Variants in FHIT observed in about 807,000 individuals in gnomAD.
FHIT encodes bis(5'-adenosyl)-triphosphatase.
FHIT carries 19 observed loss-of-function variants against 17.9 expected under a neutral mutation model. The observed-to-expected ratio is 1.06, with a 90% CI of 0.74 to 1.56. The LOEUF (loss-of-function observed/expected upper bound fraction) is 1.56, where lower values mean the gene tolerates loss of function less well. FHIT is among the 40% of genes most tolerant of loss of function. FHIT has a pLI of 0.00. For missense variants in FHIT, 248 were observed against 189.2 expected, an observed-to-expected ratio of 1.31 and a Z score of -1.82; for synonymous variants, 81 against 69.7, an observed-to-expected ratio of 1.16 and a Z score of -0.81.
chr3:60,862,824 C>A (rs1703978613), intron 3 of FHIT, among the ~76,000 whole-genome samples: 1 of 148,384 alleles, frequency 6.7e-6, no homozygotes, highest in South Asian at 2.1e-4. Context: ...TGCACTCCAG[C>A]TTGGGCGACA....
intron 5 of FHIT, among the ~76,000 whole-genome samples, chr3:60,413,412 A>C (rs1283679319): frequency 6.6e-6 from 1 of 152,152 alleles, no homozygotes; most frequent in Non-Finnish European, 1.5e-5. Context: ...TGATTTTAAC[A>C]ATGAAAGTAG....
chr3:60,779,677 C>T (rs1459888906), intron 4 of FHIT, among the ~76,000 whole-genome samples: 3 of 152,126 alleles, frequency 2.0e-5, no homozygotes, highest in African/African-American at 4.8e-5. Context: ...TGCAATGCCC[C>T]ATCCGAGATA....
At chr3:60,243,063 T>C (rs1373056263) in intron 5 of FHIT, among the ~76,000 whole-genome samples, 1 of 128,534 alleles carries the variant, frequency 7.8e-6, no homozygotes, top group Non-Finnish European at 1.7e-5. Flanking sequence ...AGTCCAAAAC[T>C]AAAAAAAAAA....
intron 5 of FHIT, among the ~76,000 whole-genome samples, chr3:60,141,232 T>C (rs1232918548): frequency 6.6e-6 from 1 of 152,018 alleles, no homozygotes; most frequent in East Asian, 1.9e-4. Flanking sequence ...GCACAGATAA[T>C]TGATTAACAG....
intron 5 of FHIT, among the ~76,000 whole-genome samples, chr3:60,033,518 AAAAG>A (rs909584454): frequency 2.0e-4 from 30 of 152,042 alleles, no homozygotes; most frequent in African/African-American, 6.5e-4. Context: ...AGAAAGAAAG[AAAAG>A]AAAGAAAGAA....
intron 4 of FHIT, among the ~76,000 whole-genome samples, chr3:60,569,449 T>G (rs2037257712): frequency 6.6e-6 from 1 of 151,900 alleles, no homozygotes; most frequent in Non-Finnish European, 1.5e-5. Context: ...TAGTATGACA[T>G]GTGAATAGAT....
chr3:59,879,858 A>T (rs1255125869), intron 8 of FHIT, among the ~76,000 whole-genome samples: 2 of 151,044 alleles, frequency 1.3e-5, no homozygotes, highest in Non-Finnish European at 2.9e-5. Context: ...GTTCTTTAAG[A>T]CTCTTTGGGC....
At chr3:60,199,479 T>C (rs1702799367) in intron 5 of FHIT, among the ~76,000 whole-genome samples, 2 of 152,106 alleles carry the variant, frequency 1.3e-5, no homozygotes, top group Non-Finnish European at 2.9e-5. Context: ...TTCATTGTCA[T>C]TTAACTGTGG....
intron 3 of FHIT, among the ~76,000 whole-genome samples, chr3:60,828,523 T>C (rs1419025519): frequency 6.6e-6 from 1 of 152,016 alleles, no homozygotes; most frequent in Non-Finnish European, 1.5e-5. Context: ...TTAGAGGAGA[T>C]GGGCATGAGT....
At chr3:60,565,954 T>C (rs2037118963) in intron 4 of FHIT, among the ~76,000 whole-genome samples, 1 of 152,214 alleles carries the variant, frequency 6.6e-6, no homozygotes, top group Admixed American at 6.5e-5. Context: ...GATTCTGGTA[T>C]GTTGTGTCTT....
intron 4 of FHIT, among the ~76,000 whole-genome samples, chr3:60,558,859 A>G (rs751663970): frequency 9.9e-5 from 15 of 152,212 alleles, no homozygotes; most frequent in Admixed American, 3.3e-4. Flanking sequence ...TCGGCTTTAG[A>G]CTAATGACCC....
At chr3:59,802,286 G>T (rs1297703943) in intron 8 of FHIT, among the ~76,000 whole-genome samples, 1 of 152,076 alleles carries the variant, frequency 6.6e-6, no homozygotes, top group African/African-American at 2.4e-5. Flanking sequence ...GTGTGCTCTA[G>T]TTCCCAACAG....
At chr3:60,380,161 T>C (rs2107107668) in intron 5 of FHIT, among the ~76,000 whole-genome samples, 1 of 152,298 alleles carries the variant, frequency 6.6e-6, no homozygotes, top group African/African-American at 2.4e-5. Flanking sequence ...TGGGGCCTGG[T>C]AGGAGGTTTT....
At chr3:60,315,711 G>C (rs183518550) in intron 5 of FHIT, among the ~76,000 whole-genome samples, 1 of 152,284 alleles carries the variant, frequency 6.6e-6, no homozygotes, top group East Asian at 1.9e-4. Context: ...TGGATATTTG[G>C]TTGCTTCCAG....
chr3:60,197,853 T>G (rs1266058910), intron 5 of FHIT, among the ~76,000 whole-genome samples: 1 of 152,158 alleles, frequency 6.6e-6, no homozygotes, highest in Non-Finnish European at 1.5e-5. Context: ...ACCTTTAGTT[T>G]CAAGGCTCCC....
intron 4 of FHIT, among the ~76,000 whole-genome samples, chr3:60,792,507 A>G (rs111595787): frequency 2.9e-4 from 44 of 152,358 alleles, no homozygotes; most frequent in Middle Eastern, 3.4e-3. Flanking sequence ...CAGCATAAAT[A>G]AACTGCCTGA....
chr3:59,759,354 G>GAA (rs985766771), intron 8 of FHIT, among the ~76,000 whole-genome samples: 4 of 152,308 alleles, frequency 2.6e-5, no homozygotes, highest in African/African-American at 9.6e-5. Context: ...ATTAAAGGGA[G>GAA]AAAGTGATGG....
At chr3:60,855,276 G>C (rs782061749) in intron 3 of FHIT, among the ~76,000 whole-genome samples, 3 of 152,094 alleles carry the variant, frequency 2.0e-5, no homozygotes, top group Non-Finnish European at 4.4e-5. Flanking sequence ...TTCAGTAGTA[G>C]GCATGTGACC....
chr3:60,899,390 G>A (rs1484225846), intron 3 of FHIT, among the ~76,000 whole-genome samples: 1 of 152,116 alleles, frequency 6.6e-6, no homozygotes. Context: ...ACTGCTATGA[G>A]TAATATAAAG....
Sources: allele counts gnomAD v4.1 joint callset (sites outside exome capture counted in the v4.1 genomes callset), GRCh38; gene constraint gnomAD v4.1.1; transcripts MANE v1.5; gene names NCBI Gene and HGNC (gene_info 2026-07-23, HGNC 2026-07-21).